LHX6: variants seen among roughly 807,000 people sequenced by gnomAD.
LHX6 encodes the protein LIM/homeobox protein Lhx6.
A neutral mutation model predicts 47.1 loss-of-function variants in LHX6; 15 were observed. That is an observed-to-expected ratio of 0.32 (90% CI 0.21 to 0.49). The LOEUF (loss-of-function observed/expected upper bound fraction) is 0.49, where lower values mean the gene tolerates loss of function less well. Ranked by LOEUF, LHX6 falls within the 20% of genes least tolerant of loss-of-function variation. The probability of loss-of-function intolerance (pLI) is 0.99; values close to 1 mark genes in which losing one functional copy is unlikely to be tolerated. For missense variants in LHX6, 404 were observed against 539.6 expected (o/e 0.75, Z 2.49); for synonymous variants, 242 against 233.5 (o/e 1.04, Z -0.33).
chr9:122,207,909 G>T (rs1830246478), intron 9 of LHX6, among the ~76,000 whole-genome samples: 1 of 152,124 alleles, frequency 6.6e-6, no homozygotes, highest in Non-Finnish European at 1.5e-5. Flanking sequence ...TTTACAAGCT[G>T]CCCAGGTGAT....
chr9:122,204,131 T>A lies in LHX6; in HGVS notation c.*629A>T, dbSNP rs1383566964. 1 of 152,514 alleles carries A rather than the reference T, an allele frequency of 6.6e-6. No individual in the cohort carries two copies. Among genetic ancestry groups the A allele is most frequent in the African/African-American group, 2.4e-5 (1 of 41,436 alleles). 9.4% of individuals were successfully genotyped at this position (152,514 alleles called of 1,614,324 possible). A position where few individuals can be genotyped will look rare whatever the true frequency, so the allele number is the denominator to read the frequency against. Reference sequence around the variant, plus strand: ...CCATTCCCTGTCTATCCCCGCTGCCTCCTAGTCTGGGCAGGCCTCCATCTC... The same window carrying A: ...CCATTCCCTGTCTATCCCCGCTGCCACCTAGTCTGGGCAGGCCTCCATCTC... On this transcript the variant is annotated 3_prime_UTR_variant, in exon 10 of 10. Coordinates refer to ENST00000394319, the MANE Select transcript of LHX6 (RefSeq NM_014368.5).
chr9:122,221,247 A>T (rs983012099), intron 4 of LHX6: 1 of 985,136 alleles, frequency 1.0e-6, no homozygotes, highest in African/African-American at 1.8e-5. Flanking sequence ...CAGAACCAGC[A>T]ATTAAGAGGT....
intron 9 of LHX6, among the ~76,000 whole-genome samples, chr9:122,206,030 C>A (rs1830164332): frequency 6.6e-6 from 1 of 152,182 alleles, no homozygotes; most frequent in Admixed American, 6.5e-5. Flanking sequence ...AGAGTGGCGA[C>A]CCTGGTAGGA....
chr9:122,228,428 T>G, intron 1 of LHX6: 1 of 1,463,702 alleles, frequency 6.8e-7, no homozygotes, highest in South Asian at 1.3e-5. Flanking sequence ...GTGTCTTTAC[T>G]AAATCGCTTT....
chr9:122,212,026 G>A (rs1830415637), intron 8 of LHX6, among the ~76,000 whole-genome samples: 1 of 151,844 alleles, frequency 6.6e-6, no homozygotes, highest in Admixed American at 6.6e-5. Context: ...GCAGCCTGGT[G>A]CGAAGACAGG....
At position 122,226,325 on chromosome 9, in the gene LHX6, C is replaced by G; in HGVS notation, c.461+51G>C. ...ACGCCGCAAAAGTGGCCTCCGAATG[C>G]GCCCGGGGCCTGCCCTCGGCGACAC... On this transcript the variant is annotated intron_variant, in intron 4 of 9. Coordinates refer to ENST00000394319, the MANE Select transcript of LHX6 (RefSeq NM_014368.5). The surrounding 1 kb of genome is among the most constrained non-coding windows in gnomAD (Gnocchi z 6.5). 1 of 1,569,050 alleles carries G rather than the reference C, an allele frequency of 6.4e-7. No homozygotes were observed. The highest frequency in any genetic ancestry group is 2.3e-5 in the East Asian group (1 of 44,070).
intron 5 of LHX6, 120 bp downstream of exon 5, chr9:122,216,948 G>A: frequency 1.2e-6 from 1 of 816,974 alleles, no homozygotes; most frequent in South Asian, 1.7e-5. Flanking sequence ...TACGCTGCCT[G>A]CGGGACTATA....
At chr9:122,219,169 AAC>A (rs1830718289) in intron 4 of LHX6, among the ~76,000 whole-genome samples, 1 of 152,244 alleles carries the variant, frequency 6.6e-6, no homozygotes, top group Non-Finnish European at 1.5e-5. Flanking sequence ...AGTTGAAAAA[AAC>A]AGCGTTGGGT....
intron 4 of LHX6, among the ~76,000 whole-genome samples, chr9:122,218,873 C>T (rs1459743578): frequency 1.3e-5 from 2 of 152,114 alleles, no homozygotes; most frequent in South Asian, 2.1e-4. Flanking sequence ...ACTGACCTAC[C>T]CTCCCCCAGA....
At chr9:122,204,926 G>A (rs1014119546) in intron 9 of LHX6, 146 bp from the exon 10 acceptor site, 4 of 511,616 alleles carry the variant, frequency 7.8e-6, no homozygotes, top group Non-Finnish European at 1.4e-5. Flanking sequence ...CTGACTTGCT[G>A]TGGGACCTTG....
intron 1 of LHX6, 81 bp downstream of exon 1, chr9:122,228,576 G>T: frequency 1.6e-6 from 2 of 1,240,196 alleles, no homozygotes; most frequent in Non-Finnish European, 2.0e-6. Context: ...GCAACCGCCC[G>T]CCACCCTGCT....
At chr9:122,224,989 G>C (rs1417562120) in intron 4 of LHX6, among the ~76,000 whole-genome samples, 1 of 152,138 alleles carries the variant, frequency 6.6e-6, no homozygotes, top group Non-Finnish European at 1.5e-5. Flanking sequence ...CATAAAGGAA[G>C]AGTCCGTCTC....
intron 9 of LHX6, 74 bp from the exon 10 acceptor site, chr9:122,204,854 A>C: frequency 9.3e-7 from 1 of 1,077,208 alleles, no homozygotes; most frequent in East Asian, 2.8e-5. Flanking sequence ...AGAACCTCAA[A>C]GGCACAGAGA....
intron 5 of LHX6, 113 bp downstream of exon 5, chr9:122,216,955 T>A: frequency 1.1e-6 from 1 of 871,936 alleles, no homozygotes; most frequent in Non-Finnish European, 1.8e-6. Flanking sequence ...CCTGCGGGAC[T>A]ATACCGGGAG....
intron 2 of LHX6, 124 bp from the exon 3 acceptor site, chr9:122,227,154 G>A: frequency 1.1e-6 from 1 of 947,896 alleles, no homozygotes; most frequent in Non-Finnish European, 1.5e-6. Flanking sequence ...ACAATGCGCC[G>A]TAGACTGAAG....
At chr9:122,206,862 C>T (rs1038183024) in intron 9 of LHX6, among the ~76,000 whole-genome samples, 2 of 152,162 alleles carry the variant, frequency 1.3e-5, no homozygotes, top group South Asian at 2.1e-4. Flanking sequence ...GGGTCCCCTC[C>T]GGCCCAAGCT....
intron 4 of LHX6, chr9:122,221,292 GGCTCCTCCCCCA>G: frequency 2.0e-6 from 2 of 984,956 alleles, no homozygotes; most frequent in Non-Finnish European, 2.4e-6. Context: ...CCGGCCCCGA[GGCTCCTCCCCCA>G]GCTCCCCTCT....
intron 4 of LHX6, among the ~76,000 whole-genome samples, chr9:122,222,876 G>A (rs979960900): frequency 1.3e-5 from 2 of 152,178 alleles, no homozygotes; most frequent in Non-Finnish European, 2.9e-5. Flanking sequence ...CCCTTGCCCC[G>A]TTGGGAGCTC....
Position 122,213,588 on chromosome 9 carries a change from G to T in LHX6, c.1054+18C>A. On this transcript the variant is annotated intron_variant, in intron 8 of 9. Coordinates refer to ENST00000394319, the MANE Select transcript of LHX6 (RefSeq NM_014368.5). This position sits in a 1 kb window ranked among gnomAD's most constrained non-coding sequence, Gnocchi z 5.5. ...CCTCCCCGCAGGCCCAGCGGCTCCC[G>T]GCGCTGCGGTTACTTACTCTCAATG... 1 of 1,540,286 alleles carries T rather than the reference G, an allele frequency of 6.5e-7. No individual in the cohort carries two copies. Among genetic ancestry groups the T allele is most frequent in the Non-Finnish European group, 8.7e-7 (1 of 1,146,888 alleles).
Sources: allele counts gnomAD v4.1 joint callset (sites outside exome capture counted in the v4.1 genomes callset), GRCh38; gene constraint gnomAD v4.1.1; non-coding constraint Gnocchi (gnomAD v3.1); transcripts MANE v1.5; gene names NCBI Gene and HGNC (gene_info 2026-07-23, HGNC 2026-07-21).